FGF14: variants seen among roughly 807,000 people sequenced by gnomAD.
The protein encoded by FGF14 is fibroblast growth factor homologous factor 4.
A neutral mutation model predicts 25.5 loss-of-function variants in FGF14; 5 were observed. The observed-to-expected ratio is 0.20, with a 90% CI of 0.10 to 0.41. The LOEUF is 0.41. Among genes scored for constraint, FGF14 ranks in the 10% least tolerant of loss-of-function variants. The probability of loss-of-function intolerance (pLI) is 1.00; values close to 1 mark genes in which losing one functional copy is unlikely to be tolerated. For synonymous variants in FGF14, 138 were observed against 118.3 expected (o/e 1.17, Z -1.08); for missense variants, 222 against 320.1 (o/e 0.69, Z 2.34).
chr13:102,177,863 T>C lies in FGF14; in HGVS notation c.208+223608A>G, dbSNP rs1287395692. Among the ~76,000 whole-genome samples the C allele has an allele frequency of 3.4e-4, 51 of 152,122 alleles. 1 individual carries two copies. Among genetic ancestry groups the C allele is most frequent in the Admixed American group, 3.3e-3 (51 of 15,256 alleles). ...TGGTATCACTATACTCTTTTAAATG[T>C]GTTGTTAGAGAAAATATGCAAATCC... On this transcript the variant is annotated intron_variant, in intron 1 of 4. Transcript: ENST00000376131.
intron 1 of FGF14, among the ~76,000 whole-genome samples, chr13:101,927,154 G>C (rs2034419968): frequency 6.6e-6 from 1 of 152,130 alleles, no homozygotes; most frequent in African/African-American, 2.4e-5. Flanking sequence ...TTTGAAACTG[G>C]CTTTCAGGGA....
At chr13:102,161,646 G>T (rs1198738621) in intron 1 of FGF14, among the ~76,000 whole-genome samples, 1 of 14,546 alleles carries the variant, frequency 6.9e-5, no homozygotes. Flanking sequence ...AGAAGAAGAA[G>T]AAGAAGAAGA....
intron 1 of FGF14, among the ~76,000 whole-genome samples, chr13:102,342,182 G>A (rs180739809): frequency 2.6e-5 from 4 of 152,260 alleles, no homozygotes; most frequent in African/African-American, 7.2e-5. Context: ...AGGACTTATC[G>A]TTCCTGGGGC....
intron 1 of FGF14, among the ~76,000 whole-genome samples, chr13:102,309,337 C>T (rs2055599877): frequency 6.6e-6 from 1 of 152,190 alleles, no homozygotes; most frequent in Non-Finnish European, 1.5e-5. Flanking sequence ...GTTTCTGGAA[C>T]TTCTCCAAAG....
intron 1 of FGF14, among the ~76,000 whole-genome samples, chr13:102,015,347 T>A (rs1197459463): frequency 6.6e-6 from 1 of 152,202 alleles, no homozygotes; most frequent in African/African-American, 2.4e-5. Context: ...TAAAATCTGT[T>A]AACTTATTTC....
chr13:102,216,495 G>A (rs892639820), intron 1 of FGF14, among the ~76,000 whole-genome samples: 2 of 152,088 alleles, frequency 1.3e-5, no homozygotes, highest in Non-Finnish European at 1.5e-5. Context: ...TTTAACAATA[G>A]TAAAAGCAAA....
At position 101,887,873 on chromosome 13, in the gene FGF14, A is replaced by G. The variant is rs572046247; in HGVS notation, c.194-12577T>C. 2.0e-4 allele frequency among the ~76,000 whole-genome samples: 30 copies of G among 152,316 alleles called. No individual in the cohort carries two copies. The South Asian group carries it at 5.8e-3, about 29-fold the overall frequency. On this transcript the variant is annotated intron_variant, in intron 1 of 4. Coordinates refer to ENST00000376143, the MANE Select transcript of FGF14 (RefSeq NM_004115.4). ...GAAATATGCACAATCTTTATGTATC[A>G]AAAAATTAACAATAAAAATGCTTGC...
chr13:101,795,870 A>G (rs2040490590), intron 3 of FGF14, among the ~76,000 whole-genome samples: 1 of 152,154 alleles, frequency 6.6e-6, no homozygotes, highest in African/African-American at 2.4e-5. Flanking sequence ...ATCATTAGAC[A>G]GTATTCTATT....
At chr13:101,782,014 T>G (rs2039523261) in intron 3 of FGF14, among the ~76,000 whole-genome samples, 1 of 152,232 alleles carries the variant, frequency 6.6e-6, no homozygotes, top group South Asian at 2.1e-4. Flanking sequence ...TATGGAGATC[T>G]CATTCTTTTT....
At chr13:101,841,051 G>A (rs2140317226) in intron 3 of FGF14, among the ~76,000 whole-genome samples, 1 of 151,948 alleles carries the variant, frequency 6.6e-6, no homozygotes, top group South Asian at 2.1e-4. Context: ...TTTCCTGTAA[G>A]GAACCTATGA....
intron 1 of FGF14, among the ~76,000 whole-genome samples, chr13:102,184,098 T>C (rs915013067): frequency 6.6e-6 from 1 of 152,044 alleles, no homozygotes; most frequent in East Asian, 1.9e-4. Context: ...TCAGGGGACT[T>C]GGTAATGGAG....
intron 3 of FGF14, among the ~76,000 whole-genome samples, chr13:101,738,547 C>T (rs557683812): frequency 1.3e-5 from 2 of 152,174 alleles, no homozygotes; most frequent in Admixed American, 6.6e-5. Context: ...AAAGGACAAA[C>T]ATGAAACACT....
chr13:101,804,353 A>G (rs1370783521), intron 3 of FGF14, among the ~76,000 whole-genome samples: 3 of 152,182 alleles, frequency 2.0e-5, no homozygotes, highest in Non-Finnish European at 4.4e-5. Flanking sequence ...AGGGATCACA[A>G]TGCATCCCAA....
intron 3 of FGF14, among the ~76,000 whole-genome samples, chr13:101,823,527 T>A (rs918634894): frequency 6.6e-5 from 10 of 150,774 alleles, no homozygotes; most frequent in African/African-American, 9.7e-5. Context: ...AACCACCGCC[T>A]CCCAGGTTCA....
chr13:101,781,300 C>T (rs1442312190), intron 3 of FGF14, among the ~76,000 whole-genome samples: 2 of 152,296 alleles, frequency 1.3e-5, no homozygotes, highest in Middle Eastern at 3.4e-3. Context: ...TTTCAGTTCA[C>T]TGTTTCTTCC....
intron 1 of FGF14, among the ~76,000 whole-genome samples, chr13:101,890,074 AAAC>A (rs1161444397): frequency 6.6e-6 from 1 of 152,202 alleles, no homozygotes; most frequent in East Asian, 1.9e-4. Flanking sequence ...CAGTTCCTTT[AAAC>A]AATACAAAAG....
intron 3 of FGF14, among the ~76,000 whole-genome samples, chr13:101,815,474 A>C (rs2140206888): frequency 6.6e-6 from 1 of 152,302 alleles, no homozygotes; most frequent in South Asian, 2.1e-4. Flanking sequence ...TGCAGCTACC[A>C]GGTACTTCAG....
intron 1 of FGF14, among the ~76,000 whole-genome samples, chr13:102,166,892 C>T (rs1334745952): frequency 6.6e-6 from 1 of 152,122 alleles, no homozygotes; most frequent in Non-Finnish European, 1.5e-5. Flanking sequence ...TGCTAATTCA[C>T]TGTTTTCAGT....
intron 3 of FGF14, among the ~76,000 whole-genome samples, chr13:101,820,993 G>C (rs1179402070): frequency 2.7e-5 from 4 of 149,068 alleles, no homozygotes; most frequent in East Asian, 4.0e-4. Flanking sequence ...TGTCGCCCAG[G>C]CTGGAGTGCA....
Sources: allele counts gnomAD v4.1 joint callset (sites outside exome capture counted in the v4.1 genomes callset), GRCh38; gene constraint gnomAD v4.1.1; transcripts MANE v1.5; gene names NCBI Gene and HGNC (gene_info 2026-07-23, HGNC 2026-07-21).